The following PSME4 variants were observed in gnomAD, a reference collection of about 807,000 sequenced individuals.
The protein encoded by PSME4 is proteasome activator subunit 4, also known as proteasome activator complex subunit 4.
Under a neutral mutation model 253.9 loss-of-function variants are expected in PSME4, and 89 were observed. The observed-to-expected ratio is 0.35, with a 90% CI of 0.30 to 0.42. PSME4 has a LOEUF of 0.42. PSME4 is among the 10% of genes least tolerant of loss of function. The pLI is 1.00. For missense variants in PSME4, 2,014 were observed against 2,195.2 expected, an observed-to-expected ratio of 0.92 and a Z score of 1.65; for synonymous variants, 851 against 759.2, an observed-to-expected ratio of 1.12 and a Z score of -1.99.
chr2:53,908,184 T>C, intron 24 of PSME4, 136 bp downstream of exon 24: 2 of 639,858 alleles, frequency 3.1e-6, no homozygotes, highest in Middle Eastern at 4.3e-4. Flanking sequence ...ATGATGTTTT[T>C]AACTTTTACA....
chr2:53,890,018 T>A (rs572966763), intron 37 of PSME4, 86 bp downstream of exon 37: 102 of 1,004,820 alleles, frequency 1.0e-4, no homozygotes, highest in Admixed American at 2.0e-4. Context: ...ATTTAAGAAG[T>A]GTTATGAGAT....
chr2:53,896,940 G>A (rs1680166029), intron 31 of PSME4, 55 bp from the exon 32 acceptor site: 8 of 1,297,504 alleles, frequency 6.2e-6, no homozygotes, highest in South Asian at 6.0e-5. Flanking sequence ...CACTTAACTG[G>A]TTGTCTGCTT....
chr2:53,943,193 A>G (rs2104471019), intron 3 of PSME4, among the ~76,000 whole-genome samples: 1 of 152,372 alleles, frequency 6.6e-6, no homozygotes, highest in Non-Finnish European at 1.5e-5. Context: ...TTCACTTGAC[A>G]GTTCTTGAAC....
chr2:53,875,808 C>T, intron 41 of PSME4, 53 bp from the exon 42 acceptor site: 2 of 1,521,298 alleles, frequency 1.3e-6, no homozygotes, highest in Non-Finnish European at 1.8e-6. Flanking sequence ...CCAATAAGTA[C>T]AAAGGCATCC....
intron 20 of PSME4, among the ~76,000 whole-genome samples, chr2:53,914,117 A>T (rs1667952461): frequency 6.6e-6 from 1 of 152,252 alleles, no homozygotes; most frequent in African/African-American, 2.4e-5. Flanking sequence ...CTATCAGAGG[A>T]AAGGGGACAC....
At position 53,931,671 on chromosome 2, in the gene PSME4, T is replaced by G. The variant is rs570246679; in HGVS notation, c.1316+164A>C. Among the ~76,000 whole-genome samples the G allele has an allele frequency of 2.0e-5, 3 of 152,292 alleles. No individual in the cohort carries two copies. The East Asian group carries it at 5.8e-4, about 29-fold the overall frequency. ...CAATTTTTTTCTCTCCAATAAACCT[T>G]TATCAAGTTACCAATCATTACATTA... On this transcript the variant is annotated intron_variant, in intron 10 of 46. Transcript: ENST00000404125.
intron 3 of PSME4, among the ~76,000 whole-genome samples, chr2:53,945,846 T>C (rs1669675396): frequency 6.6e-6 from 1 of 152,222 alleles, no homozygotes; most frequent in Non-Finnish European, 1.5e-5. Context: ...AAACTCAAAA[T>C]TGTCACAGTG....
chr2:53,908,424 T>A lies in PSME4; in HGVS notation c.2686-6A>T. 1 of 1,612,622 alleles carries A rather than the reference T, an allele frequency of 6.2e-7. No homozygotes were observed. The highest frequency in any genetic ancestry group is 8.5e-7 in the Non-Finnish European group (1 of 1,179,242). On this transcript the variant is annotated splice_polypyrimidine_tract_variant and splice_region_variant and intron_variant, in intron 23 of 46. Coordinates refer to ENST00000404125, the MANE Select transcript of PSME4 (RefSeq NM_014614.3). ...TGTAAAAGGTCTCCAATAATCTGTG[T>A]CAAAGAATTTCAAATTGTATTTGCA...
intron 37 of PSME4, 49 bp from the exon 38 acceptor site, chr2:53,888,861 G>A: frequency 4.4e-6 from 6 of 1,372,244 alleles, no homozygotes; most frequent in Non-Finnish European, 6.2e-6. Context: ...CTACAATTCT[G>A]TAAACAAATC....
chr2:53,940,770 T>C (rs190888358), intron 3 of PSME4, among the ~76,000 whole-genome samples: 43 of 149,760 alleles, frequency 2.9e-4, no homozygotes, highest in Non-Finnish European at 5.9e-4. Context: ...AATTTTGAGC[T>C]GGAATTTTAA....
chr2:53,903,780 A>AT (rs1308543757), intron 27 of PSME4, among the ~76,000 whole-genome samples: 2 of 152,236 alleles, frequency 1.3e-5, no homozygotes, highest in Non-Finnish European at 2.9e-5. Flanking sequence ...ATAACTAAAT[A>AT]ATGAGTCTCC....
chr2:53,957,578 T>C (rs1670292948), intron 1 of PSME4, among the ~76,000 whole-genome samples: 1 of 152,020 alleles, frequency 6.6e-6, no homozygotes, highest in Non-Finnish European at 1.5e-5. Context: ...ATGTGAGCAA[T>C]GGGGAGGGGC....
At chr2:53,948,793 T>C (rs1186957193) in intron 2 of PSME4, among the ~76,000 whole-genome samples, 2 of 152,186 alleles carry the variant, frequency 1.3e-5, no homozygotes, top group Non-Finnish European at 2.9e-5. Flanking sequence ...TGGATGAATT[T>C]CATGTTTTCC....
At chr2:53,890,024 G>A (rs1679832488) in intron 37 of PSME4, 80 bp downstream of exon 37, 2 of 1,076,130 alleles carry the variant, frequency 1.9e-6, no homozygotes, top group African/African-American at 1.6e-5. Flanking sequence ...GAAGTGTTAT[G>A]AGATTTCACA....
intron 26 of PSME4, among the ~76,000 whole-genome samples, chr2:53,905,115 C>T (rs960293464): frequency 4.6e-5 from 7 of 151,280 alleles, no homozygotes; most frequent in South Asian, 2.1e-4. Flanking sequence ...CTGCAACCTC[C>T]GCCTCCCAGG....
intron 27 of PSME4, among the ~76,000 whole-genome samples, chr2:53,903,050 C>G (rs1197044670): frequency 6.6e-6 from 1 of 152,178 alleles, no homozygotes; most frequent in East Asian, 1.9e-4. Context: ...TCCAGGGTCA[C>G]TCAGCTCTTC....
At chr2:53,935,749 A>T (rs1185391943) in intron 7 of PSME4, among the ~76,000 whole-genome samples, 1 of 152,224 alleles carries the variant, frequency 6.6e-6, no homozygotes, top group Non-Finnish European at 1.5e-5. Flanking sequence ...TTGAAAAGGT[A>T]ATTGGACCCA....
chr2:53,963,850 T>G (rs963316917), intron 1 of PSME4, among the ~76,000 whole-genome samples: 1 of 152,170 alleles, frequency 6.6e-6, no homozygotes. Context: ...AAAAAATTCC[T>G]TTTCCTTTGA....
At chr2:53,940,952 C>CATATATATATATATATATATATATATAT (rs1169212491) in intron 3 of PSME4, among the ~76,000 whole-genome samples, 1 of 24,022 alleles carries the variant, frequency 4.2e-5, no homozygotes. Flanking sequence ...TATATATATA[C>CATATATATATATATATATATATATATAT]ATATATATAT....
Sources: gnomAD v4.1 joint callset for allele counts (sites outside exome capture counted in the v4.1 genomes callset) on GRCh38, gnomAD v4.1.1 for gene constraint, MANE v1.5 for transcripts, NCBI Gene and HGNC (gene_info 2026-07-23, HGNC 2026-07-21) for gene names.